SLC2A13: variants seen among roughly 807,000 people sequenced by gnomAD.
The protein encoded by SLC2A13 is proton myo-inositol cotransporter.
In SLC2A13, 32 loss-of-function variants were observed where a neutral mutation model predicts 64.4. The ratio of observed to expected loss-of-function variants is 0.50; its 90% confidence interval spans 0.37 to 0.67. SLC2A13 has a LOEUF of 0.67. Among genes scored for constraint, SLC2A13 ranks in the 30% least tolerant of loss-of-function variants. SLC2A13 has a pLI of 0.00. For missense variants in SLC2A13, 743 were observed against 829.2 expected (o/e 0.90, Z 1.28); for synonymous variants, 338 against 327.1 (o/e 1.03, Z -0.36).
intron 3 of SLC2A13, among the ~76,000 whole-genome samples, chr12:39,968,474 G>A (rs10877867): frequency 0.19 from 28,754 of 151,714 alleles, 3,028 homozygotes; most frequent in Non-Finnish European, 0.24. Flanking sequence ...AAAGATTCTC[G>A]GTATTTCTGT....
At chr12:39,903,957 T>G (rs549124163) in intron 4 of SLC2A13, among the ~76,000 whole-genome samples, 1 of 152,208 alleles carries the variant, frequency 6.6e-6, no homozygotes, top group East Asian at 1.9e-4. Flanking sequence ...GACAGGATAC[T>G]GCTATTTATC....
chr12:39,913,013 T>C (rs1433911521), intron 4 of SLC2A13, among the ~76,000 whole-genome samples: 2 of 152,104 alleles, frequency 1.3e-5, no homozygotes, highest in Non-Finnish European at 2.9e-5. Context: ...CTTTGAAAGA[T>C]ATCTTGAAAG....
At chr12:39,954,323 T>C (rs1284938749) in intron 3 of SLC2A13, among the ~76,000 whole-genome samples, 1 of 151,524 alleles carries the variant, frequency 6.6e-6, no homozygotes, top group Non-Finnish European at 1.5e-5. Flanking sequence ...AGAATTCAGA[T>C]GGCAGAGGAC....
At chr12:40,003,571 C>T (rs1419779246) in intron 3 of SLC2A13, among the ~76,000 whole-genome samples, 1 of 152,028 alleles carries the variant, frequency 6.6e-6, no homozygotes, top group Non-Finnish European at 1.5e-5. Flanking sequence ...ACGTGTATTA[C>T]TGAAGGGACT....
chr12:39,763,629 G>C (rs140178064), intron 9 of SLC2A13, among the ~76,000 whole-genome samples: 2 of 151,992 alleles, frequency 1.3e-5, no homozygotes, highest in African/African-American at 4.8e-5. Flanking sequence ...AAGAGATTGC[G>C]GGGAGATGAG....
At chr12:39,996,370 T>G (rs546725924) in intron 3 of SLC2A13, among the ~76,000 whole-genome samples, 1 of 152,320 alleles carries the variant, frequency 6.6e-6, no homozygotes, top group Non-Finnish European at 1.5e-5. Flanking sequence ...CATAAAAGTT[T>G]GGAAAATTTG....
chr12:39,971,837 T>A (rs930431017), intron 3 of SLC2A13, among the ~76,000 whole-genome samples: 1 of 151,178 alleles, frequency 6.6e-6, no homozygotes, highest in Non-Finnish European at 1.5e-5. Flanking sequence ...TAGATGGGCA[T>A]GTTGGTTTGC....
At chr12:39,785,034 G>C (rs112369413) in intron 7 of SLC2A13, among the ~76,000 whole-genome samples, 269 of 152,332 alleles carry the variant, frequency 1.8e-3, no homozygotes, top group African/African-American at 6.3e-3. Context: ...TTATGATGTA[G>C]TAGAATAGAA....
intron 3 of SLC2A13, among the ~76,000 whole-genome samples, chr12:39,983,054 C>G (rs1465726133): frequency 1.3e-4 from 20 of 150,022 alleles, no homozygotes; most frequent in African/African-American, 4.2e-4. Flanking sequence ...CTTTGACAAA[C>G]CTGAGAAAAA....
chr12:39,923,798 C>T (rs947082987), intron 4 of SLC2A13, among the ~76,000 whole-genome samples: 2 of 151,422 alleles, frequency 1.3e-5, no homozygotes, highest in Non-Finnish European at 2.9e-5. Context: ...CAAAAGCTTA[C>T]CAAACCTCAT....
chr12:39,972,807 C>T (rs1412086121), intron 3 of SLC2A13, among the ~76,000 whole-genome samples: 8 of 152,190 alleles, frequency 5.3e-5, no homozygotes, highest in Admixed American at 3.9e-4. Context: ...GTGGCTCACA[C>T]CTGTAATCCC....
chr12:39,837,721 C>T (rs1469209556), intron 6 of SLC2A13, among the ~76,000 whole-genome samples: 4 of 152,146 alleles, frequency 2.6e-5, no homozygotes, highest in Non-Finnish European at 5.9e-5. Flanking sequence ...ATTTATACAA[C>T]CAAAAAACAC....
intron 4 of SLC2A13, among the ~76,000 whole-genome samples, chr12:39,941,737 G>C (rs1360353448): frequency 1.3e-5 from 2 of 152,116 alleles, no homozygotes; most frequent in African/African-American, 2.4e-5. Flanking sequence ...ATTTATCTTT[G>C]TTTTTATTGC....
rs144769717 is a variant in SLC2A13 at position 39,825,000 on chromosome 12, G to A, written c.1445+5103C>T. Among the ~76,000 whole-genome samples the A allele has an allele frequency of 5.7e-3, 868 of 152,282 alleles. 5 individuals are homozygous for A. Among genetic ancestry groups the A allele is most frequent in the Middle Eastern group, 0.02 (6 of 294 alleles). ...ACTAGAATCTGTGTGGGAGAGTGGT[G>A]AAATGCTGGGAAAACAGGCTGGGTG... is the stretch of plus-strand genomic sequence containing the variant. On this transcript the variant is annotated intron_variant, in intron 7 of 9. Transcript: ENST00000280871.
At position 40,105,161 on chromosome 12, in the gene SLC2A13, C is replaced by T. The variant is rs1183031076; in HGVS notation, c.556+92G>A. On this transcript the variant is annotated intron_variant, in intron 1 of 9. Transcript: ENST00000280871. This position sits in a 1 kb window ranked among gnomAD's most constrained non-coding sequence, Gnocchi z 4.2. ...GATTCTCTGACCCTGGGAGACCAGA[C>T]GGGGACCCCGATGGGCAAGAGGCAC... The T allele has an allele frequency of 1.4e-6, 2 of 1,419,306 alleles. No homozygotes were observed. Among genetic ancestry groups the T allele is most frequent in the African/African-American group, 3.0e-5 (2 of 66,374 alleles). 87.9% of individuals were successfully genotyped at this position (1,419,306 alleles called of 1,614,324 possible).
intron 4 of SLC2A13, among the ~76,000 whole-genome samples, chr12:39,900,049 T>A (rs932601219): frequency 2.0e-5 from 3 of 152,154 alleles, no homozygotes; most frequent in African/African-American, 7.2e-5. Flanking sequence ...TGCAAATCAA[T>A]AAATGTAATC....
At position 40,105,534 on chromosome 12, in the gene SLC2A13, C is replaced by T. The variant is rs1480203926; in HGVS notation, c.275G>A (p.Gly92Asp). 6.3e-7 allele frequency: 1 copy of T among 1,581,264 alleles called. No individual in the cohort carries two copies. Among genetic ancestry groups the T allele is most frequent in the Non-Finnish European group, 8.6e-7 (1 of 1,166,558 alleles). The change falls in exon 1 of 10, where the codon GGC (glycine) becomes GAC (aspartate). Residue 92 changes from glycine (G) to aspartate (D), a missense_variant. Gly to Asp is a moderately conservative substitution (Grantham distance 94, BLOSUM62 -1). Around this residue, in one of 2 missense-constraint regions of SLC2A13, gnomAD observed 448 missense variants for 447.4 expected, o/e 1.00. Coordinates refer to ENST00000280871, the MANE Select transcript of SLC2A13 (RefSeq NM_052885.4). This position sits in a 1 kb window ranked among gnomAD's most constrained non-coding sequence, Gnocchi z 4.2. ...YVVAVFSALG[G>D]FLFGYDTGVV... is the part of the protein sequence containing the mutation. The stretch of plus-strand genomic sequence containing the variant: ...CCCGGTGTCATAGCCAAACAGGAAG[C>T]CGCCCAGCGCGGAGAAGACGGCCAC...
At chr12:40,074,646 CCT>C (rs1938096197) in intron 1 of SLC2A13, among the ~76,000 whole-genome samples, 1 of 152,122 alleles carries the variant, frequency 6.6e-6, no homozygotes, top group African/African-American at 2.4e-5. Flanking sequence ...TTCCAGAACC[CCT>C]GACATATCTG....
intron 6 of SLC2A13, among the ~76,000 whole-genome samples, chr12:39,863,740 CG>C (rs1434835554): frequency 6.6e-6 from 1 of 152,088 alleles, no homozygotes; most frequent in African/African-American, 2.4e-5. Context: ...AAATAAAAGT[CG>C]TGCTATGATG....
Sources: gnomAD v4.1 joint callset for allele counts (sites outside exome capture counted in the v4.1 genomes callset) on GRCh38, gnomAD v4.1.1 for gene constraint, gnomAD v4.1.1 regional missense constraint, Gnocchi (gnomAD v3.1) non-coding constraint, MANE v1.5 for transcripts, NCBI Gene and HGNC (gene_info 2026-07-23, HGNC 2026-07-21) for gene names.